Variants in TMTC1 observed in about 807,000 individuals in gnomAD.
TMTC1 encodes the protein protein O-mannosyl-transferase TMTC1.
Under a neutral mutation model 104.8 loss-of-function variants are expected in TMTC1, and 73 were observed. The observed-to-expected ratio is 0.70, with a 90% confidence interval of 0.58 to 0.85. The LOEUF (loss-of-function observed/expected upper bound fraction) is 0.85. TMTC1 is among the 40% of genes least tolerant of loss of function. TMTC1 has a pLI of 0.00. For synonymous variants in TMTC1, 434 were observed against 428.7 expected (o/e 1.01, Z -0.15); for missense variants, 1,035 against 1,096.1 (o/e 0.94, Z 0.79).
chr12:29,591,563 C>T (rs1461798056), intron 7 of TMTC1, among the ~76,000 whole-genome samples: 3 of 152,192 alleles, frequency 2.0e-5, no homozygotes, highest in Admixed American at 1.3e-4. Context: ...TTTCAAAGCA[C>T]GTTTGAGAAA....
At chr12:29,596,452 T>C (rs79009257) in intron 7 of TMTC1, among the ~76,000 whole-genome samples, 7,190 of 152,244 alleles carry the variant, frequency 0.047, 579 homozygotes, top group African/African-American at 0.16. Flanking sequence ...GCACAGCCTT[T>C]CTCCCTCACC....
chr12:29,716,969 C>T (rs1942101764), intron 5 of TMTC1, among the ~76,000 whole-genome samples: 1 of 152,072 alleles, frequency 6.6e-6, no homozygotes, highest in Admixed American at 6.5e-5. Context: ...GAGCCGAGAT[C>T]GAGCCACTGC....
At position 29,705,838 on chromosome 12, in the gene TMTC1, C is replaced by T. The variant is rs556637390; in HGVS notation, c.938+45828G>A. Among the ~76,000 whole-genome samples, 5 of 152,192 alleles carry T rather than the reference C, an allele frequency of 3.3e-5. No homozygotes were observed. The South Asian group carries it at 1.0e-3, about 32-fold the overall frequency. ...TTTTCCTCCCCTACACTAGGTCTAG[C>T]CTGCCCTAAAGACACCTTAGGATGG... On this transcript the variant is annotated intron_variant, in intron 5 of 17. Coordinates refer to ENST00000539277, the MANE Select transcript of TMTC1 (RefSeq NM_001193451.2).
At chr12:29,692,596 T>G (rs1941297903) in intron 5 of TMTC1, among the ~76,000 whole-genome samples, 1 of 145,144 alleles carries the variant, frequency 6.9e-6, no homozygotes. Flanking sequence ...CAGCAAAAAT[T>G]AAAACATTCC....
At chr12:29,585,300 T>C (rs1303869887) in intron 7 of TMTC1, among the ~76,000 whole-genome samples, 1 of 152,242 alleles carries the variant, frequency 6.6e-6, no homozygotes, top group Non-Finnish European at 1.5e-5. Context: ...TGTTTTTTTC[T>C]TGTAAATTTG....
rs1943623610 is a variant in TMTC1 at position 29,502,812 on chromosome 12, T to C, written c.*4034A>G. 6.6e-6 allele frequency: 1 copy of C among 152,154 alleles called. No individual in the cohort carries two copies. The highest frequency in any genetic ancestry group is 2.1e-4 in the South Asian group (1 of 4,832). The allele number at this position is 152,154 out of a possible 1,614,324, so 9.4% of individuals were successfully genotyped here. A position where few individuals can be genotyped will look rare whatever the true frequency, so the allele number is the denominator to read the frequency against. On this transcript the variant is annotated 3_prime_UTR_variant, in exon 18 of 18. Coordinates refer to ENST00000539277, the MANE Select transcript of TMTC1 (RefSeq NM_001193451.2). ...AGTGGTTCTCCAGCCTAGCTGCACATAAGAAGCATCACCAGGACAGCCAGG... is the reference window on the plus strand; with the variant it reads ...AGTGGTTCTCCAGCCTAGCTGCACACAAGAAGCATCACCAGGACAGCCAGG...
At chr12:29,553,233 T>G (rs1221081060) in intron 10 of TMTC1, among the ~76,000 whole-genome samples, 1 of 152,242 alleles carries the variant, frequency 6.6e-6, no homozygotes, top group African/African-American at 2.4e-5. Context: ...TGCCATGGCC[T>G]GAGCCAAGGT....
At chr12:29,637,122 A>C (rs907116519) in intron 5 of TMTC1, among the ~76,000 whole-genome samples, 14 of 142,978 alleles carry the variant, frequency 9.8e-5, no homozygotes, top group Non-Finnish European at 1.7e-4. Context: ...ACACACACAC[A>C]CAAAAGAACA....
chr12:29,520,951 G>T, intron 11 of TMTC1: 2 of 457,260 alleles, frequency 4.4e-6, no homozygotes, highest in Non-Finnish European at 3.9e-6. Flanking sequence ...GGGCGAAAAA[G>T]ATGATGTTTT....
intron 9 of TMTC1, chr12:29,568,941 T>G (rs1945592312): frequency 4.4e-6 from 2 of 455,898 alleles, no homozygotes; most frequent in Non-Finnish European, 8.8e-6. Flanking sequence ...TCTGTCAGTG[T>G]TTTTCTGAAT....
chr12:29,767,897 C>T lies in TMTC1; in HGVS notation c.480+1G>A, dbSNP rs1214664499. On this transcript the variant is annotated splice_donor_variant, in intron 2 of 17. Coordinates refer to ENST00000539277, the MANE Select transcript of TMTC1 (RefSeq NM_001193451.2). LOFTEE classifies it high-confidence loss of function. ...TTTCACTGAGATCCAATTACACTTA[C>T]CGCCTCAGTATGAATAGGATGTACA... 1 of 1,613,406 alleles carries T rather than the reference C, an allele frequency of 6.2e-7. No individual in the cohort carries two copies. Among genetic ancestry groups the T allele is most frequent in the South Asian group, 1.1e-5 (1 of 91,050 alleles).
chr12:29,635,148 T>C (rs185556605), intron 5 of TMTC1, among the ~76,000 whole-genome samples: 1 of 152,238 alleles, frequency 6.6e-6, no homozygotes, highest in Admixed American at 6.5e-5. Flanking sequence ...TACTGAAAGT[T>C]TGATAAAGTC....
In TMTC1 at chr12:29,702,649, G is replaced by A. The variant is rs534239595; in HGVS notation, c.938+49017C>T. Reference sequence around the variant, plus strand: ...ACTAAGCGCAGTGCACACTCAATGGGAACAGACTACACAAGCGGGTGAATC... The same window carrying A: ...ACTAAGCGCAGTGCACACTCAATGGAAACAGACTACACAAGCGGGTGAATC... On this transcript the variant is annotated intron_variant, in intron 5 of 17. Transcript: ENST00000539277. Among the ~76,000 whole-genome samples the A allele has an allele frequency of 1.1e-3, 175 of 152,252 alleles. 1 individual carries two copies. Among genetic ancestry groups the A allele is most frequent in the African/African-American group, 3.9e-3 (161 of 41,550 alleles).
chr12:29,526,667 C>T (rs1944354491), intron 11 of TMTC1, among the ~76,000 whole-genome samples: 1 of 152,006 alleles, frequency 6.6e-6, no homozygotes, highest in Non-Finnish European at 1.5e-5. Flanking sequence ...TGTGAACCTC[C>T]TTGAAGATAC....
chr12:29,660,456 T>TA (rs1378001595), intron 5 of TMTC1, among the ~76,000 whole-genome samples: 2 of 152,146 alleles, frequency 1.3e-5, no homozygotes, highest in Non-Finnish European at 2.9e-5. Context: ...TTTAAGCCAC[T>TA]AAAGCTGGGG....
chr12:29,702,765 G>A (rs1941632913), intron 5 of TMTC1, among the ~76,000 whole-genome samples: 1 of 152,100 alleles, frequency 6.6e-6, no homozygotes, highest in Non-Finnish European at 1.5e-5. Flanking sequence ...TTCCTCAAAT[G>A]CTTAAAGATT....
chr12:29,547,235 C>A (rs1390693363), intron 10 of TMTC1, among the ~76,000 whole-genome samples: 1 of 152,198 alleles, frequency 6.6e-6, no homozygotes, highest in Non-Finnish European at 1.5e-5. Context: ...CTTGCTCCCA[C>A]CCAGCACTTC....
intron 5 of TMTC1, among the ~76,000 whole-genome samples, chr12:29,694,303 TCATAC>T (rs1435660765): frequency 6.6e-6 from 1 of 152,158 alleles, no homozygotes; most frequent in Non-Finnish European, 1.5e-5. Context: ...ACATGTACAG[TCATAC>T]CTCAGTGCGC....
chr12:29,558,705 G>T (rs536814876), intron 9 of TMTC1, among the ~76,000 whole-genome samples: 1 of 152,302 alleles, frequency 6.6e-6, no homozygotes, highest in Non-Finnish European at 1.5e-5. Flanking sequence ...ACGCGCTGTT[G>T]TTTGCTTCTC....
Sources: allele counts gnomAD v4.1 joint callset (sites outside exome capture counted in the v4.1 genomes callset), GRCh38; gene constraint gnomAD v4.1.1; transcripts MANE v1.5; gene names NCBI Gene and HGNC (gene_info 2026-07-23, HGNC 2026-07-21).